The following PSIP1 variants were observed in gnomAD, a reference collection of about 807,000 sequenced individuals.
PSIP1 encodes PC4 and SRSF1 interacting protein 1.
In PSIP1, 19 loss-of-function variants were observed where a neutral mutation model predicts 74.7. The observed-to-expected ratio is 0.25, with a 90% CI of 0.18 to 0.37. PSIP1 has a LOEUF of 0.37. Ranked by LOEUF, PSIP1 falls within the 10% of genes least tolerant of loss-of-function variation. PSIP1 has a pLI of 1.00. For missense variants in PSIP1, 601 were observed against 614.3 expected (o/e 0.98, Z 0.23); for synonymous variants, 222 against 195.3 (o/e 1.14, Z -1.14).
chr9:15,510,743 C>G (rs1054547724), intron 1 of PSIP1, 74 bp downstream of exon 1: 1 of 152,184 alleles, frequency 6.6e-6, no homozygotes, highest in Non-Finnish European at 1.5e-5. Flanking sequence ...GGGCGGGCCG[C>G]GTCCACTTCC....
chr9:15,468,637 T>A lies in PSIP1; in HGVS notation c.1413A>T (p.Glu471Asp), dbSNP rs747193716. 1 of 1,613,956 alleles carries A rather than the reference T, an allele frequency of 6.2e-7. No individual in the cohort carries two copies. Among genetic ancestry groups the A allele is most frequent in the South Asian group, 1.1e-5 (1 of 91,078 alleles). ...TGGCTTTTTACCACATACCTGTTTG[T>A]TCCTTCTCTAGCTTTTTGTTTGGCC... ...KKGPNKKLEKEQTGSKTLNGG... is the reference protein window; with the variant it reads ...KKGPNKKLEKDQTGSKTLNGG... The change falls in exon 14 of 16, where the codon GAA becomes GAT. Residue 471 changes from glutamate (E) to aspartate (D), a missense_variant. Physicochemically the swap from Glu to Asp is conservative, Grantham distance 45 (BLOSUM62 2). This residue lies in a region of PSIP1 where 538 missense variants were observed against 507.6 expected (regional missense o/e 1.06). Coordinates refer to ENST00000380733, the MANE Select transcript of PSIP1 (RefSeq NM_033222.5).
At chr9:15,471,371 T>C in intron 10 of PSIP1, 2 of 1,544,590 alleles carry the variant, frequency 1.3e-6, no homozygotes, top group South Asian at 1.2e-5. Context: ...AATATTAGAA[T>C]TTGAGAAAGT....
chr9:15,495,276 T>C (rs1447113035), intron 3 of PSIP1, among the ~76,000 whole-genome samples: 3 of 151,080 alleles, frequency 2.0e-5, no homozygotes, highest in Non-Finnish European at 4.4e-5. Flanking sequence ...AGAAGACTGA[T>C]CTACCACAAA....
chr9:15,495,129 T>A (rs1034026536), intron 3 of PSIP1, among the ~76,000 whole-genome samples: 4 of 151,976 alleles, frequency 2.6e-5, no homozygotes, highest in African/African-American at 9.7e-5. Flanking sequence ...CAATTTAAAA[T>A]CCCCAAAGGG....
At chr9:15,484,734 A>T (rs935347376) in intron 6 of PSIP1, among the ~76,000 whole-genome samples, 1 of 150,984 alleles carries the variant, frequency 6.6e-6, no homozygotes, top group East Asian at 2.0e-4. Context: ...CTCAAAACAA[A>T]AACAAAAACA....
rs1247768345 is a variant in PSIP1, at chr9:15,496,070, G to C, written c.150-5946C>G. 2.0e-5 allele frequency among the ~76,000 whole-genome samples: 3 copies of C among 152,178 alleles called. No homozygotes were observed. The East Asian group carries it at 5.8e-4, about 29-fold the overall frequency. ...TACATCCGACTGTGCATGATTTTGAGAAACCAATGCATGGTGACCAATCAC... is the reference window on the plus strand; with the variant it reads ...TACATCCGACTGTGCATGATTTTGACAAACCAATGCATGGTGACCAATCAC... On this transcript the variant is annotated intron_variant, in intron 3 of 15. Coordinates refer to ENST00000380733, the MANE Select transcript of PSIP1 (RefSeq NM_033222.5).
In PSIP1 at chr9:15,504,668, C is replaced by T. The variant is rs571586655; in HGVS notation, c.149+1893G>A. Among the ~76,000 whole-genome samples the T allele has an allele frequency of 1.5e-4, 23 of 150,802 alleles. No homozygotes were observed. The East Asian group carries it at 2.4e-3, about 15-fold the overall frequency. ...AGGAGAATGGCGTGAACCCAGGAGG[C>T]GGAGCATGCAGTGAGCGGAGATCAT... On this transcript the variant is annotated intron_variant, in intron 3 of 15. Transcript: ENST00000380733.
In PSIP1 at chr9:15,469,065, G is replaced by C; in HGVS notation, c.1105-7C>G. 1 of 1,608,156 alleles carries C rather than the reference G, an allele frequency of 6.2e-7. No individual in the cohort carries two copies. The highest frequency in any genetic ancestry group is 2.2e-5 in the East Asian group (1 of 44,766). ...CAATGCATCTGTTCACATCCTTCAT[G>C]ACAAAACAGTAATTTCATAGCTGTT... On this transcript the variant is annotated splice_region_variant and splice_polypyrimidine_tract_variant and intron_variant, in intron 12 of 15. Transcript: ENST00000380733.
chr9:15,485,416 C>T (rs1378741580), intron 6 of PSIP1, among the ~76,000 whole-genome samples: 1 of 152,156 alleles, frequency 6.6e-6, no homozygotes, highest in African/African-American at 2.4e-5. Context: ...TCATAGTTTA[C>T]CTCCTCATGA....
chr9:15,507,854 C>T (rs1236451225), intron 2 of PSIP1, among the ~76,000 whole-genome samples: 1 of 152,170 alleles, frequency 6.6e-6, no homozygotes, highest in Non-Finnish European at 1.5e-5. Flanking sequence ...AAGGCTTTCA[C>T]ACACCAACAG....
At chr9:15,468,460 G>A in intron 14 of PSIP1, 170 bp downstream of exon 14, 1 of 802,352 alleles carries the variant, frequency 1.2e-6, no homozygotes, top group Non-Finnish European at 2.2e-6. Flanking sequence ...TGTTCTCAAT[G>A]CACACTGCTC....
At chr9:15,492,505 T>TTG in intron 3 of PSIP1, among the ~76,000 whole-genome samples, 1 of 152,148 alleles carries the variant, frequency 6.6e-6, no homozygotes, top group Non-Finnish European at 1.5e-5. Flanking sequence ...CTCAGGCTGG[T>TTG]GTTGAATGTC....
intron 3 of PSIP1, among the ~76,000 whole-genome samples, chr9:15,501,840 C>CATACATATATATATATATATATATAT (rs2037357942): frequency 8.0e-6 from 1 of 124,532 alleles, no homozygotes; most frequent in Admixed American, 7.6e-5. Flanking sequence ...TATAAAACAG[C>CATACATATATATATATATATATATAT]ATATATATAT....
chr9:15,475,241 G>A (rs1045354794), intron 8 of PSIP1, among the ~76,000 whole-genome samples: 7 of 152,128 alleles, frequency 4.6e-5, no homozygotes, highest in African/African-American at 1.7e-4. Context: ...TTTAACTTTA[G>A]CCTCTCTGGG....
chr9:15,476,553 G>A (rs950353919), intron 8 of PSIP1, among the ~76,000 whole-genome samples: 9 of 152,126 alleles, frequency 5.9e-5, no homozygotes, highest in African/African-American at 2.2e-4. Context: ...GATAGCCTGG[G>A]TCAAAGACCC....
chr9:15,489,881 G>C, intron 4 of PSIP1, 105 bp downstream of exon 4: 1 of 957,628 alleles, frequency 1.0e-6, no homozygotes, highest in South Asian at 2.4e-5. Flanking sequence ...CAACAAACTA[G>C]TATGAAATTC....
At chr9:15,473,915 C>CA (rs386414512) in intron 9 of PSIP1, 94 bp downstream of exon 9, 78,291 of 571,754 alleles carry the variant, frequency 0.14, 1,091 homozygotes, top group East Asian at 0.23. Context: ...AAAAAAAAAA[C>CA]AAAAAAAAAA....
At chr9:15,506,458 A>C in intron 3 of PSIP1, 103 bp downstream of exon 3, 1 of 796,062 alleles carries the variant, frequency 1.3e-6, no homozygotes, top group South Asian at 2.0e-5. Flanking sequence ...CAAAGATTTT[A>C]AAGTTTCCTA....
chr9:15,481,852 C>A (rs1432329556), intron 6 of PSIP1, among the ~76,000 whole-genome samples: 1 of 152,052 alleles, frequency 6.6e-6, no homozygotes, highest in Non-Finnish European at 1.5e-5. Flanking sequence ...CAAGTCAGAA[C>A]CATTCCTCAT....
Sources: allele counts gnomAD v4.1 joint callset (sites outside exome capture counted in the v4.1 genomes callset), GRCh38; gene constraint gnomAD v4.1.1; regional missense constraint gnomAD v4.1.1; transcripts MANE v1.5; gene names NCBI Gene and HGNC (gene_info 2026-07-23, HGNC 2026-07-21).